The following OXR1 variants were observed in gnomAD, a reference collection of about 807,000 sequenced individuals.
OXR1 encodes the protein oxidation resistance protein 1.
In OXR1, 41 loss-of-function variants were observed where a neutral mutation model predicts 104.6. The ratio of observed to expected loss-of-function variants is 0.39; its 90% CI spans 0.31 to 0.51. The LOEUF is 0.51. OXR1 is among the 20% of genes least tolerant of loss of function. The pLI is 0.77. For missense variants in OXR1, 955 were observed against 1,031.9 expected, an observed-to-expected ratio of 0.93 and a Z score of 1.02; for synonymous variants, 348 against 348.4, an observed-to-expected ratio of 1.00 and a Z score of 0.01.
At chr8:106,582,358 A>G (rs953623367) in intron 3 of OXR1, among the ~76,000 whole-genome samples, 1 of 151,982 alleles carries the variant, frequency 6.6e-6, no homozygotes, top group Non-Finnish European at 1.5e-5. Flanking sequence ...AACTAAAAAC[A>G]AAGCACTTGT....
chr8:106,508,599 TA>T (rs1377066309), intron 2 of OXR1, among the ~76,000 whole-genome samples: 1 of 152,230 alleles, frequency 6.6e-6, no homozygotes, highest in East Asian at 1.9e-4. Context: ...CGTACATTTT[TA>T]AAAACCACAA....
intron 2 of OXR1, chr8:106,447,902 G>A (rs1563528762): frequency 1.3e-6 from 2 of 1,510,696 alleles, no homozygotes; most frequent in Non-Finnish European, 1.8e-6. Flanking sequence ...CCGGGCTCCT[G>A]GCGGAGGTAG....
At chr8:106,716,768 TTAAA>T (rs1233750670) in intron 11 of OXR1, among the ~76,000 whole-genome samples, 3 of 152,146 alleles carry the variant, frequency 2.0e-5, no homozygotes, top group South Asian at 4.1e-4. Context: ...ATACATTAGG[TTAAA>T]TAAACTATAT....
At chr8:106,649,991 T>C (rs892068772) in intron 3 of OXR1, among the ~76,000 whole-genome samples, 1 of 152,132 alleles carries the variant, frequency 6.6e-6, no homozygotes, top group Non-Finnish European at 1.5e-5. Flanking sequence ...TCACCGCACC[T>C]GGCCAAAAAT....
intron 3 of OXR1, among the ~76,000 whole-genome samples, chr8:106,532,939 G>C (rs1814203522): frequency 6.6e-6 from 1 of 152,178 alleles, no homozygotes; most frequent in African/African-American, 2.4e-5. Flanking sequence ...ATGGAGGACA[G>C]CCTGTTAGGC....
intron 3 of OXR1, among the ~76,000 whole-genome samples, chr8:106,519,721 A>G (rs1208785644): frequency 1.3e-5 from 2 of 152,196 alleles, no homozygotes; most frequent in South Asian, 4.1e-4. Context: ...GGCCCTTCAT[A>G]GGGAAGAGTA....
intron 6 of OXR1, among the ~76,000 whole-genome samples, chr8:106,691,636 A>G (rs558567518): frequency 1.3e-5 from 2 of 148,644 alleles, no homozygotes; most frequent in Non-Finnish European, 3.0e-5. Context: ...ATATATATAT[A>G]TATATACACA....
intron 11 of OXR1, among the ~76,000 whole-genome samples, chr8:106,723,083 T>C (rs962396116): frequency 3.9e-5 from 6 of 152,060 alleles, no homozygotes; most frequent in Non-Finnish European, 8.8e-5. Flanking sequence ...AGGCCAGGCG[T>C]GGTGGCTCAC....
At chr8:106,312,924 T>C (rs543154973) in intron 1 of OXR1, among the ~76,000 whole-genome samples, 2 of 152,214 alleles carry the variant, frequency 1.3e-5, no homozygotes, top group African/African-American at 2.4e-5. Context: ...GACACCCAAA[T>C]AGGGACTTCT....
intron 3 of OXR1, among the ~76,000 whole-genome samples, chr8:106,528,781 C>A (rs1297428888): frequency 2.0e-5 from 3 of 152,178 alleles, no homozygotes; most frequent in African/African-American, 4.8e-5. Flanking sequence ...TCACCACTGA[C>A]CTGGAACGTT....
In OXR1 at chr8:106,740,510, C is replaced by T; in HGVS notation, c.2316+15C>T. 1 of 1,597,076 alleles carries T rather than the reference C, an allele frequency of 6.3e-7. No individual in the cohort carries two copies. On this transcript the variant is annotated intron_variant, in intron 14 of 16. Transcript: ENST00000517566. ...GTGATGGACAGGTATGAAACACCAA[C>T]TGCATAGATTGCTTATCCTTTAAGA...
chr8:106,524,814 A>G (rs907991118), intron 3 of OXR1, among the ~76,000 whole-genome samples: 1 of 152,162 alleles, frequency 6.6e-6, no homozygotes, highest in African/African-American at 2.4e-5. Flanking sequence ...GCAGGAGCCA[A>G]GGGATATTCA....
At chr8:106,352,688 T>C (rs187600129) in intron 1 of OXR1, among the ~76,000 whole-genome samples, 6 of 152,276 alleles carry the variant, frequency 3.9e-5, no homozygotes, top group Non-Finnish European at 5.9e-5. Flanking sequence ...AAATATTGTA[T>C]ATGTACATGA....
chr8:106,700,218 T>A (rs1343128581), intron 7 of OXR1, among the ~76,000 whole-genome samples: 2 of 152,194 alleles, frequency 1.3e-5, no homozygotes, highest in Admixed American at 6.5e-5. Context: ...CATAATAGTC[T>A]TAATATAATC....
chr8:106,610,526 C>T (rs1820735270), intron 3 of OXR1, among the ~76,000 whole-genome samples: 1 of 152,050 alleles, frequency 6.6e-6, no homozygotes, highest in African/African-American at 2.4e-5. Context: ...ATTTTTCTAA[C>T]CTCATCTCTC....
At chr8:106,328,755 C>T (rs1403356669) in intron 1 of OXR1, among the ~76,000 whole-genome samples, 3 of 152,224 alleles carry the variant, frequency 2.0e-5, no homozygotes, top group Admixed American at 6.5e-5. Context: ...CACCACCATC[C>T]TTTCAGACCA....
intron 2 of OXR1, among the ~76,000 whole-genome samples, chr8:106,446,635 A>G (rs1156553396): frequency 1.3e-5 from 2 of 152,010 alleles, no homozygotes; most frequent in Non-Finnish European, 2.9e-5. Flanking sequence ...AAAAAACTAA[A>G]AAATCAAATT....
intron 2 of OXR1, among the ~76,000 whole-genome samples, chr8:106,425,599 G>A (rs1288117868): frequency 6.6e-6 from 1 of 152,138 alleles, no homozygotes; most frequent in South Asian, 2.1e-4. Flanking sequence ...CACACCATCT[G>A]CAGTACCATG....
chr8:106,651,885 A>G (rs918249890), intron 3 of OXR1, among the ~76,000 whole-genome samples: 3 of 152,060 alleles, frequency 2.0e-5, no homozygotes, highest in Admixed American at 2.0e-4. Flanking sequence ...TTTCTAGTCC[A>G]TGTATATGGG....
Sources: allele counts gnomAD v4.1 joint callset (sites outside exome capture counted in the v4.1 genomes callset), GRCh38; gene constraint gnomAD v4.1.1; transcripts MANE v1.5; gene names NCBI Gene and HGNC (gene_info 2026-07-23, HGNC 2026-07-21).